ATP6V0A4: variants seen among roughly 807,000 people sequenced by gnomAD.
ATP6V0A4 encodes V-type proton ATPase 116 kDa subunit a 4.
In ATP6V0A4, 86 loss-of-function variants were observed where a neutral mutation model predicts 107.3. The observed-to-expected ratio is 0.80, with a 90% CI of 0.67 to 0.96. ATP6V0A4 has a LOEUF of 0.96. Among genes scored for constraint, ATP6V0A4 ranks in the 40% least tolerant of loss-of-function variants. The pLI is 0.00. For missense variants in ATP6V0A4, 908 were observed against 1,045.6 expected (o/e 0.87, Z 1.81); for synonymous variants, 353 against 381.4 (o/e 0.93, Z 0.87).
Position 138,734,214 on chromosome 7 carries a change from G to T in ATP6V0A4, c.1613C>A (p.Ser538Ter). ...LASNKLTFLN[S>*]YKMKMSVILG... ...GATCACCGACATCTTCATTTTATAC[G>T]AGTTCAGAAATGTGAGTTTGTTTGA... The change falls in exon 16 of 22, where the codon TCG becomes TAG. Residue 538 changes from serine (S) to a stop codon, truncating the protein, a stop_gained. Transcript: ENST00000310018. LOFTEE classifies it high-confidence loss of function. The T allele has an allele frequency of 6.2e-7, 1 of 1,613,606 alleles. No individual in the cohort carries two copies. The highest frequency in any genetic ancestry group is 2.2e-5 in the East Asian group (1 of 44,858).
chr7:138,769,009 G>A, intron 4 of ATP6V0A4, 135 bp from the exon 5 acceptor site: 1 of 1,569,008 alleles, frequency 6.4e-7, no homozygotes, highest in Non-Finnish European at 8.6e-7. Flanking sequence ...ACAGCACCTG[G>A]ATCCCACCCC....
At chr7:138,797,260 G>A (rs1808725877) in intron 1 of ATP6V0A4, among the ~76,000 whole-genome samples, 1 of 135,502 alleles carries the variant, frequency 7.4e-6, no homozygotes, top group South Asian at 2.3e-4. Flanking sequence ...TGTCGGCCAA[G>A]CTGGAATGCA....
chr7:138,733,634 A>G (rs1364977860), intron 16 of ATP6V0A4, among the ~76,000 whole-genome samples: 1 of 139,942 alleles, frequency 7.1e-6, no homozygotes, highest in Non-Finnish European at 1.5e-5. Context: ...GCTGGAGTGC[A>G]GCGATACAAT....
intron 13 of ATP6V0A4, 25 bp downstream of exon 13, chr7:138,747,400 G>A: frequency 1.2e-6 from 2 of 1,610,354 alleles, no homozygotes; most frequent in Non-Finnish European, 1.7e-6. Flanking sequence ...AATGAATCAG[G>A]GCAAGACGGT....
chr7:138,760,006 AC>A (rs1806721026), intron 7 of ATP6V0A4, 128 bp from the exon 8 acceptor site: 2 of 1,528,002 alleles, frequency 1.3e-6, no homozygotes, highest in Admixed American at 1.8e-5. Flanking sequence ...AGGGACCCCG[AC>A]ACAGCTCTAC....
intron 14 of ATP6V0A4, among the ~76,000 whole-genome samples, chr7:138,740,393 C>T (rs34173748): frequency 0.52 from 78,500 of 150,622 alleles, 21,668 homozygotes; most frequent in East Asian, 0.92. Flanking sequence ...CCTTTTCACC[C>T]AGAAGAATGG....
intron 20 of ATP6V0A4, among the ~76,000 whole-genome samples, chr7:138,711,214 C>T (rs903503009): frequency 1.3e-5 from 2 of 152,046 alleles, no homozygotes; most frequent in African/African-American, 2.4e-5. Context: ...TTTAAAAGGC[C>T]CTGAGGGGAG....
intron 5 of ATP6V0A4, 64 bp downstream of exon 5, chr7:138,768,716 C>A (rs1584939516): frequency 1.3e-6 from 2 of 1,587,526 alleles, no homozygotes; most frequent in East Asian, 2.3e-5. Context: ...GCTCTCAGGG[C>A]CTTCAAGGAG....
intron 2 of ATP6V0A4, among the ~76,000 whole-genome samples, chr7:138,781,283 T>C (rs913739600): frequency 2.0e-5 from 3 of 152,196 alleles, no homozygotes. Flanking sequence ...AAAAACTTAA[T>C]TCCAGGAAAG....
intron 11 of ATP6V0A4, among the ~76,000 whole-genome samples, chr7:138,751,285 C>T (rs886609448): frequency 2.0e-5 from 3 of 152,234 alleles, no homozygotes; most frequent in Non-Finnish European, 4.4e-5. Context: ...CTTCACTCTG[C>T]TCCCAAACGC....
At chr7:138,727,032 A>C (rs1223837860) in intron 18 of ATP6V0A4, among the ~76,000 whole-genome samples, 1 of 149,086 alleles carries the variant, frequency 6.7e-6, no homozygotes, top group Non-Finnish European at 1.5e-5. Context: ...GGACAGATTT[A>C]GTTCCTAGAA....
intron 5 of ATP6V0A4, among the ~76,000 whole-genome samples, chr7:138,765,455 C>A (rs887237016): frequency 9.2e-5 from 14 of 152,116 alleles, no homozygotes; most frequent in African/African-American, 2.9e-4. Context: ...AGAATAAAGC[C>A]TGAAAACAAG....
chr7:138,717,949 A>T (rs1485320225), intron 19 of ATP6V0A4, among the ~76,000 whole-genome samples: 1 of 151,746 alleles, frequency 6.6e-6, no homozygotes, highest in East Asian at 1.9e-4. Flanking sequence ...TGAGATAACA[A>T]AACAAGAAAC....
chr7:138,776,798 T>A (rs183186450), intron 2 of ATP6V0A4, among the ~76,000 whole-genome samples: 8 of 152,316 alleles, frequency 5.3e-5, no homozygotes, highest in Non-Finnish European at 1.0e-4. Context: ...GGAAAGCTAT[T>A]TAACCTCAGG....
intron 1 of ATP6V0A4, among the ~76,000 whole-genome samples, chr7:138,789,038 A>G (rs1275509029): frequency 6.6e-6 from 1 of 152,152 alleles, no homozygotes; most frequent in East Asian, 1.9e-4. Context: ...GTCCTTTTCC[A>G]ACACTGAGAT....
In ATP6V0A4 at chr7:138,798,144, C is replaced by G; in HGVS notation, c.-231G>C. 1 of 1,602,018 alleles carries G rather than the reference C, an allele frequency of 6.2e-7. No homozygotes were observed. The highest frequency in any genetic ancestry group is 1.1e-5 in the South Asian group (1 of 88,466). Reference sequence around the variant, plus strand: ...CGCTGCCACCCGGGCCACCCTGATCCTCAGCCTGGCCTTTGCCTCCCTCCA... The same window carrying G: ...CGCTGCCACCCGGGCCACCCTGATCGTCAGCCTGGCCTTTGCCTCCCTCCA... On this transcript the variant is annotated 5_prime_UTR_variant, in exon 1 of 22. Coordinates refer to ENST00000310018, the MANE Select transcript of ATP6V0A4 (RefSeq NM_020632.3).
chr7:138,747,477 A>C lies in ATP6V0A4; in HGVS notation c.1268T>G (p.Leu423Arg). The stretch of plus-strand genomic sequence containing the variant: ...GCGTCTCTCATTCAGAATCATCCAA[A>C]GTGCAGCCAGGAGCATCACGGTTCC... ...GHGTVMLLAALWMILNERRLL... is the reference protein window; with the variant it reads ...GHGTVMLLAARWMILNERRLL... Residue 423 changes from leucine to arginine, a missense_variant, in exon 13 of 22, where the codon CTT (leucine) becomes CGT (arginine). Physicochemically the swap from Leu to Arg is moderately radical, Grantham distance 102. Coordinates refer to ENST00000310018, the MANE Select transcript of ATP6V0A4 (RefSeq NM_020632.3). 1 of 1,614,120 alleles carries C rather than the reference A, an allele frequency of 6.2e-7. No individual in the cohort carries two copies. The highest frequency in any genetic ancestry group is 1.1e-5 in the South Asian group (1 of 91,066).
intron 19 of ATP6V0A4, among the ~76,000 whole-genome samples, chr7:138,720,277 CAG>C (rs1462878041): frequency 6.6e-6 from 1 of 152,070 alleles, no homozygotes; most frequent in Admixed American, 6.6e-5. Flanking sequence ...GAAAGAGAAA[CAG>C]GGGGAGGCAC....
rs1286527079 is a variant in ATP6V0A4 at position 138,763,180 on chromosome 7, CACACAG to C, written c.292-161_292-156del. 1.8e-5 allele frequency: 7 copies of C among 380,240 alleles called. No individual in the cohort carries two copies. In the East Asian group the frequency reaches 6.4e-4, roughly 35 times the overall value. The allele number at this position is 380,240 out of a possible 1,614,324, so 23.6% of individuals were successfully genotyped here. A position where few individuals can be genotyped will look rare whatever the true frequency, so the allele number is the denominator to read the frequency against. Reference sequence around the variant, plus strand: ...ACATACACACAGACACACACAGACACACACAGACACACACACACACACACACACACA... The same window carrying C: ...ACATACACACAGACACACACAGACACACACACACACACACACACACACACA... On this transcript the variant is annotated intron_variant, in intron 5 of 21. Coordinates refer to ENST00000310018, the MANE Select transcript of ATP6V0A4 (RefSeq NM_020632.3).
Sources: gnomAD v4.1 joint callset for allele counts (sites outside exome capture counted in the v4.1 genomes callset) on GRCh38, gnomAD v4.1.1 for gene constraint, MANE v1.5 for transcripts, NCBI Gene and HGNC (gene_info 2026-07-23, HGNC 2026-07-21) for gene names.